PPP1CB: variants seen among roughly 807,000 people sequenced by gnomAD.
PPP1CB encodes the protein protein phosphatase 1 catalytic subunit beta.
Under a neutral mutation model 43.7 loss-of-function variants are expected in PPP1CB, and 2 were observed. The ratio of observed to expected loss-of-function variants is 0.05; its 90% confidence interval spans 0.02 to 0.14. PPP1CB has a LOEUF of 0.14. PPP1CB is among the 10% of genes least tolerant of loss of function. The pLI, the probability that PPP1CB is intolerant of heterozygous loss-of-function variation, is 1.00. For missense variants in PPP1CB, 84 were observed against 398.0 expected (o/e 0.21, Z 6.71); for synonymous variants, 136 against 135.6 (o/e 1.00, Z -0.02).
At chr2:28,789,274 A>AGAT (rs917883383) in intron 6 of PPP1CB, among the ~76,000 whole-genome samples, 42 of 152,016 alleles carry the variant, frequency 2.8e-4, no homozygotes, top group Admixed American at 7.2e-4. Context: ...TGGCAAGCTG[A>AGAT]GATGGGTGGA....
Position 28,751,964 on chromosome 2 carries a change from C to A in PPP1CB, c.-161C>A, listed in dbSNP as rs1320977268. 1.7e-6 allele frequency: 1 copy of A among 595,338 alleles called. No homozygotes were observed. Among genetic ancestry groups the A allele is most frequent in the Non-Finnish European group, 2.9e-6 (1 of 345,360 alleles). The allele number at this position is 595,338 out of a possible 1,614,324, so 36.9% of individuals were successfully genotyped here. ...GTGTGCGCGCGCTCTCGCTACCCGG[C>A]GGGGAGGGGGTGGGGGGAGGGCCCG... On this transcript the variant is annotated 5_prime_UTR_variant, in exon 1 of 8. Coordinates refer to ENST00000395366, the MANE Select transcript of PPP1CB (RefSeq NM_002709.3).
Position 28,753,201 on chromosome 2 carries a change from A to G in PPP1CB, c.52+1025A>G, listed in dbSNP as rs373973369. 2.6e-4 allele frequency among the ~76,000 whole-genome samples: 32 copies of G among 121,244 alleles called. 1 individual carries two copies. The highest frequency in any genetic ancestry group is 8.2e-4 in the African/African-American group (31 of 37,772). 79.5% of individuals were successfully genotyped at this position (121,244 alleles called of 152,430 possible). On this transcript the variant is annotated intron_variant, in intron 1 of 7. Coordinates refer to ENST00000395366, the MANE Select transcript of PPP1CB (RefSeq NM_002709.3). ...TAGAAAAGCCTTTAATCCTTTTTAA[A>G]CAATTTAGAGGCCTCTTTGTTAGCC...
intron 1 of PPP1CB, 61 bp downstream of exon 1, chr2:28,752,237 C>A: frequency 7.0e-7 from 1 of 1,429,892 alleles, no homozygotes; most frequent in African/African-American, 1.5e-5. Context: ...ACCCCTGCGT[C>A]CCCGTCTGCC....
At chr2:28,784,926 A>G (rs1667228773) in intron 5 of PPP1CB, among the ~76,000 whole-genome samples, 1 of 119,452 alleles carries the variant, frequency 8.4e-6, no homozygotes, top group South Asian at 2.9e-4. Flanking sequence ...TCAAAAAAAA[A>G]AAAAAAAAGA....
chr2:28,751,828 T>C (rs777097281), upstream of PPP1CB: 16 of 476,410 alleles, frequency 3.4e-5, no homozygotes, highest in South Asian at 2.4e-4. Flanking sequence ...CTGGTGAGCT[T>C]TGCGGAGCTG....
At chr2:28,778,385 T>TG (rs971353846) in intron 2 of PPP1CB, 1 of 471,790 alleles carries the variant, frequency 2.1e-6, no homozygotes, top group African/African-American at 2.0e-5. Flanking sequence ...CCTCTGGCTC[T>TG]GGGTCTCTCA....
intron 6 of PPP1CB, among the ~76,000 whole-genome samples, chr2:28,791,991 G>T (rs979846660): frequency 1.3e-5 from 2 of 152,128 alleles, no homozygotes; most frequent in Non-Finnish European, 2.9e-5. Flanking sequence ...AAAACATGGA[G>T]TCCATGACCA....
At position 28,793,895 on chromosome 2, in the gene PPP1CB, A is replaced by G. The variant is rs1489090183; in HGVS notation, c.777A>G (p.Lys259=). 4.3e-6 allele frequency: 7 copies of G among 1,614,036 alleles called. No individual in the cohort carries two copies. Among genetic ancestry groups the G allele is most frequent in the African/African-American group, 1.3e-5 (1 of 75,042 alleles). ...AAGATGGATATGAATTTTTTGCTAA[A>G]CGACAGTTGGTAACCTTATTTTCAG... is the stretch of plus-strand genomic sequence containing the variant. The part of the protein sequence containing the change: ...VVEDGYEFFA[K]RQLVTLFSAP... The change falls in exon 7 of 8, where the codon AAA becomes AAG. Residue 259 remains lysine (K), a synonymous_variant. Transcript: ENST00000395366.
At chr2:28,752,366 C>T (rs753841699) in intron 1 of PPP1CB, among the ~76,000 whole-genome samples, 190 bp downstream of exon 1, 8 of 152,062 alleles carry the variant, frequency 5.3e-5, no homozygotes, top group South Asian at 2.1e-4. Context: ...CCTCTGGGAG[C>T]GCGGTCAGGG....
chr2:28,772,633 A>T lies in PPP1CB; in HGVS notation c.53-4218A>T, dbSNP rs11682882. Among the ~76,000 whole-genome samples, 624 of 152,344 alleles carry T rather than the reference A, an allele frequency of 4.1e-3. 12 individuals carry two copies. Among genetic ancestry groups the T allele is most frequent in the Non-Finnish European group, 4.2e-3 (283 of 68,034 alleles). ...ATAATCCAAATAGAGTAGTAAAGAT[A>T]TTGTCATATGTTCATAGAATGGAAT... On this transcript the variant is annotated intron_variant, in intron 1 of 7. Transcript: ENST00000395366.
At chr2:28,760,568 T>G (rs987426870) in intron 1 of PPP1CB, among the ~76,000 whole-genome samples, 1 of 152,240 alleles carries the variant, frequency 6.6e-6, no homozygotes, top group Non-Finnish European at 1.5e-5. Context: ...CACCTCACTG[T>G]GCATCTCTCA....
intron 4 of PPP1CB, chr2:28,782,998 T>C (rs979646876): frequency 6.6e-6 from 1 of 152,230 alleles, no homozygotes; most frequent in Admixed American, 6.5e-5. Flanking sequence ...TGTAGCAGTA[T>C]GGATACGAAT....
At chr2:28,795,802 G>C (rs1220104783) in intron 7 of PPP1CB, among the ~76,000 whole-genome samples, 1 of 152,016 alleles carries the variant, frequency 6.6e-6, no homozygotes, top group African/African-American at 2.4e-5. Context: ...GTTTATTTTG[G>C]TCCCACTTGT....
In PPP1CB at chr2:28,788,760, G is replaced by C; in HGVS notation, c.695G>C (p.Ser232Thr). 1 of 1,613,362 alleles carries C rather than the reference G, an allele frequency of 6.2e-7. No individual in the cohort carries two copies. The highest frequency in any genetic ancestry group is 8.5e-7 in the Non-Finnish European group (1 of 1,179,784). Residue 232 changes from serine (S) to threonine (T), a missense_variant, in exon 6 of 8, where the codon AGT becomes ACT. By Grantham distance (58) the Ser-to-Thr change is moderately conservative. Around this residue, in one of 5 missense-constraint regions of PPP1CB, gnomAD observed 11 missense variants for 17.3 expected, o/e 0.64. Transcript: ENST00000395366. ...VSFTFGADVV[S>T]KFLNRHDLDL... The stretch of plus-strand genomic sequence containing the variant: ...TTTACTTTTGGAGCTGATGTAGTCA[G>C]TAAATTTCTGAATCGTCATGATTTA...
At chr2:28,797,066 G>A (rs1667510305) in intron 7 of PPP1CB, among the ~76,000 whole-genome samples, 2 of 151,988 alleles carry the variant, frequency 1.3e-5, no homozygotes, top group South Asian at 2.1e-4. Context: ...ATTTTATGAG[G>A]TGAATCACAT....
At chr2:28,780,117 T>TC (rs1667127751) in intron 3 of PPP1CB, among the ~76,000 whole-genome samples, 1 of 146,346 alleles carries the variant, frequency 6.8e-6, no homozygotes, top group South Asian at 2.2e-4. Context: ...AGACGGAGTC[T>TC]CGCTCTTCTT....
upstream of PPP1CB, chr2:28,751,822 T>G (rs899138755): frequency 1.8e-5 from 8 of 456,374 alleles, no homozygotes; most frequent in East Asian, 5.2e-5. Flanking sequence ...GCGGCGCTGG[T>G]GAGCTTTGCG....
intron 1 of PPP1CB, among the ~76,000 whole-genome samples, chr2:28,758,422 G>T (rs1183743872): frequency 6.6e-6 from 1 of 152,208 alleles, no homozygotes; most frequent in Non-Finnish European, 1.5e-5. Context: ...GAGGCAAGGG[G>T]AAGAAATAGT....
chr2:28,788,896 C>CA (rs1667329799), intron 6 of PPP1CB, 87 bp downstream of exon 6: 2 of 1,342,772 alleles, frequency 1.5e-6, no homozygotes, highest in South Asian at 3.0e-5. Context: ...CTTGTTCTGT[C>CA]ACCCAGGCTG....
Sources: allele counts gnomAD v4.1 joint callset (sites outside exome capture counted in the v4.1 genomes callset), GRCh38; gene constraint gnomAD v4.1.1; regional missense constraint gnomAD v4.1.1; transcripts MANE v1.5; gene names NCBI Gene and HGNC (gene_info 2026-07-23, HGNC 2026-07-21).